STAT4: variants seen among roughly 807,000 people sequenced by gnomAD.
STAT4 encodes signal transducer and activator of transcription 4.
In STAT4, 42 loss-of-function variants were observed where a neutral mutation model predicts 110.5. The observed-to-expected ratio is 0.38, with a 90% confidence interval of 0.30 to 0.49. The LOEUF is 0.49. Ranked by LOEUF, STAT4 falls within the 20% of genes least tolerant of loss-of-function variation. STAT4 has a pLI of 0.95. For missense variants in STAT4, 632 were observed against 887.9 expected (o/e 0.71, Z 3.66); for synonymous variants, 284 against 302.2 (o/e 0.94, Z 0.63).
Position 191,058,154 on chromosome 2 carries a change from T to C in STAT4, c.1113-43A>G, listed in dbSNP as rs375448807. ...GCTATTTACATGGTCTCAGGTAAAA[T>C]AAATTTACAAGAGCAGCAACAAAGT... is the stretch of plus-strand genomic sequence containing the variant. On this transcript the variant is annotated intron_variant, in intron 12 of 23. Transcript: ENST00000392320. The surrounding 1 kb of genome is among the most constrained non-coding windows in gnomAD (Gnocchi z 4.3). 4.5e-5 allele frequency: 73 copies of C among 1,613,520 alleles called. No homozygotes were observed. The highest frequency in any genetic ancestry group is 5.4e-5 in the Non-Finnish European group (64 of 1,179,662).
In STAT4 at chr2:191,030,695, T is replaced by G; in HGVS notation, c.2220+277A>C. ...GGGCCCATGGTGCAAGCAGCGATAG[T>G]GTGCTTGAGTAGGGTATAGGAATAT... On this transcript the variant is annotated intron_variant, in intron 23 of 23. Transcript: ENST00000392320. This position sits in a 1 kb window ranked among gnomAD's most constrained non-coding sequence, Gnocchi z 4.4. 3.3e-6 allele frequency: 1 copy of G among 306,012 alleles called. No homozygotes were observed. The allele number at this position is 306,012 out of a possible 1,614,324, so 19.0% of individuals were successfully genotyped here.
chr2:191,119,253 G>A (rs1051125824), intron 3 of STAT4, among the ~76,000 whole-genome samples: 6 of 152,186 alleles, frequency 3.9e-5, no homozygotes, highest in African/African-American at 1.4e-4. Context: ...CGAAAGATGG[G>A]ACACCCTTGG....
Position 191,058,827 on chromosome 2 carries a change from C to A in STAT4, c.1035-58G>T, listed in dbSNP as rs951816197. The A allele has an allele frequency of 5.0e-6, 5 of 994,956 alleles. No homozygotes were observed. Among genetic ancestry groups the A allele is most frequent in the East Asian group, 2.6e-5 (1 of 37,916 alleles). The allele number at this position is 994,956 out of a possible 1,614,324, so 61.6% of individuals were successfully genotyped here. On this transcript the variant is annotated intron_variant, in intron 10 of 23. Coordinates refer to ENST00000392320, the MANE Select transcript of STAT4 (RefSeq NM_003151.4). The surrounding 1 kb of genome is among the most constrained non-coding windows in gnomAD (Gnocchi z 4.3). The stretch of plus-strand genomic sequence containing the variant: ...ATAAAAATTAAAAGTGTTTAAAAAC[C>A]CTTTTTTATATTTAAACATTTAAAT...
At position 191,123,891 on chromosome 2, in the gene STAT4, G is replaced by T. The variant is rs867784067; in HGVS notation, c.273+22722C>A. On this transcript the variant is annotated intron_variant, in intron 3 of 23. Coordinates refer to ENST00000392320, the MANE Select transcript of STAT4 (RefSeq NM_003151.4). ...TTGAAGTATGGTTCCTACTGGGTGT[G>T]TATTGCTTTTGTACCATCATAAAGT... is the stretch of plus-strand genomic sequence containing the variant. Among the ~76,000 whole-genome samples the T allele has an allele frequency of 4.6e-5, 7 of 152,288 alleles. No individual in the cohort carries two copies. In the Middle Eastern group the frequency reaches 0.01, roughly 222 times the overall value.
In STAT4 at chr2:191,086,147, T is replaced by C. The variant is rs1323879274; in HGVS notation, c.274-9822A>G. Among the ~76,000 whole-genome samples the C allele has an allele frequency of 6.6e-6, 1 of 152,184 alleles. No homozygotes were observed. Among genetic ancestry groups the C allele is most frequent in the Non-Finnish European group, 1.5e-5 (1 of 68,026 alleles). On this transcript the variant is annotated intron_variant, in intron 3 of 23. Coordinates refer to ENST00000392320, the MANE Select transcript of STAT4 (RefSeq NM_003151.4). This position sits in a 1 kb window ranked among gnomAD's most constrained non-coding sequence, Gnocchi z 5.5. Reference sequence around the variant, plus strand: ...TTTACCAAGTCTTTGGTTGCAACGATATTTTCAGATATGAACAGATGGCTT... The same window carrying C: ...TTTACCAAGTCTTTGGTTGCAACGACATTTTCAGATATGAACAGATGGCTT...
chr2:191,139,037 T>A (rs1177352585), intron 3 of STAT4, among the ~76,000 whole-genome samples: 1 of 151,944 alleles, frequency 6.6e-6, no homozygotes, highest in Non-Finnish European at 1.5e-5. Context: ...AAAAAGTCTT[T>A]GATAAAATCC....
chr2:191,069,660 C>A, intron 6 of STAT4, 33 bp downstream of exon 6: 1 of 1,530,766 alleles, frequency 6.5e-7, no homozygotes, highest in South Asian at 1.2e-5. Flanking sequence ...CTTTTTGTCT[C>A]TATGCATAAT....
intron 3 of STAT4, among the ~76,000 whole-genome samples, chr2:191,136,491 C>A (rs1699183639): frequency 1.3e-5 from 2 of 152,228 alleles, no homozygotes; most frequent in South Asian, 4.1e-4. Flanking sequence ...GTGGCTTACG[C>A]TTGTAATCCC....
chr2:191,056,031 A>T (rs1466980164), intron 13 of STAT4, among the ~76,000 whole-genome samples: 1 of 152,212 alleles, frequency 6.6e-6, no homozygotes, highest in Non-Finnish European at 1.5e-5. Flanking sequence ...AGTTTATTTG[A>T]CAGGAAGGAT....
rs989937342 is a variant in STAT4 at position 191,030,180 on chromosome 2, C to A, written c.2221-314G>T. On this transcript the variant is annotated intron_variant, in intron 23 of 23. Coordinates refer to ENST00000392320, the MANE Select transcript of STAT4 (RefSeq NM_003151.4). The surrounding 1 kb of genome is among the most constrained non-coding windows in gnomAD (Gnocchi z 4.4). ...TAAATAACTTGACGATTTAAGGGAA[C>A]TAACATTAGAATAAGCTATCAAAGT... 6.6e-6 allele frequency among the ~76,000 whole-genome samples: 1 copy of A among 152,078 alleles called. No homozygotes were observed. Among genetic ancestry groups the A allele is most frequent in the Non-Finnish European group, 1.5e-5 (1 of 68,022 alleles).
chr2:191,081,168 A>G (rs1461204980), intron 3 of STAT4, among the ~76,000 whole-genome samples: 1 of 152,216 alleles, frequency 6.6e-6, no homozygotes, highest in Non-Finnish European at 1.5e-5. Context: ...AAAGGACATG[A>G]ACTCATCCTT....
chr2:191,054,266 T>C (rs1229517271), intron 14 of STAT4, among the ~76,000 whole-genome samples: 1 of 152,136 alleles, frequency 6.6e-6, no homozygotes, highest in South Asian at 2.1e-4. Context: ...AAGATGTTAA[T>C]AGTTATTTTC....
At chr2:191,100,731 A>G (rs1698128572) in intron 3 of STAT4, among the ~76,000 whole-genome samples, 2 of 151,600 alleles carry the variant, frequency 1.3e-5, no homozygotes, top group Non-Finnish European at 2.9e-5. Context: ...TAAAAATCTT[A>G]TTTATATATT....
Position 191,077,019 on chromosome 2 carries a change from C to A in STAT4, c.274-694G>T. ...CATGGTTTGCTTAAAGCATTTGTTT[C>A]TGTCCCTATTTGGTACTGTTTGTGT... On this transcript the variant is annotated intron_variant, in intron 3 of 23. Coordinates refer to ENST00000392320, the MANE Select transcript of STAT4 (RefSeq NM_003151.4). The surrounding 1 kb of genome is among the most constrained non-coding windows in gnomAD (Gnocchi z 4.1). 6.6e-6 allele frequency among the ~76,000 whole-genome samples: 1 copy of A among 152,320 alleles called. No homozygotes were observed. The highest frequency in any genetic ancestry group is 2.1e-4 in the South Asian group (1 of 4,830).
At chr2:191,129,389 G>A (rs1458432206) in intron 3 of STAT4, among the ~76,000 whole-genome samples, 1 of 152,054 alleles carries the variant, frequency 6.6e-6, no homozygotes, top group African/African-American at 2.4e-5. Flanking sequence ...AGGAGTTCAA[G>A]TCCAGCCTGG....
chr2:191,049,110 G>A (rs1414385532), intron 14 of STAT4, among the ~76,000 whole-genome samples: 1 of 148,824 alleles, frequency 6.7e-6, no homozygotes, highest in Admixed American at 6.7e-5. Flanking sequence ...TGTCTCCTCT[G>A]CTCAGTGTCT....
chr2:191,095,311 T>C (rs1451890296), intron 3 of STAT4, among the ~76,000 whole-genome samples: 2 of 152,186 alleles, frequency 1.3e-5, no homozygotes, highest in Admixed American at 6.5e-5. Flanking sequence ...AGAATATACA[T>C]TCTTCTCAGC....
intron 3 of STAT4, among the ~76,000 whole-genome samples, chr2:191,137,939 T>A (rs1001018577): frequency 6.6e-6 from 1 of 152,176 alleles, no homozygotes; most frequent in African/African-American, 2.4e-5. Flanking sequence ...CTTCAGGACA[T>A]TGGTCTAGGC....
chr2:191,084,121 G>T (rs751657397), intron 3 of STAT4, among the ~76,000 whole-genome samples: 6 of 152,014 alleles, frequency 3.9e-5, no homozygotes, highest in Non-Finnish European at 8.8e-5. Context: ...AATTAGCTGG[G>T]CATGGTGGTG....
Sources: allele counts gnomAD v4.1 joint callset (sites outside exome capture counted in the v4.1 genomes callset), GRCh38; gene constraint gnomAD v4.1.1; non-coding constraint Gnocchi (gnomAD v3.1); transcripts MANE v1.5; gene names NCBI Gene and HGNC (gene_info 2026-07-23, HGNC 2026-07-21).